CFAP299: variants seen among roughly 807,000 people sequenced by gnomAD.
CFAP299 encodes cilia and flagella associated protein 299.
Under a neutral mutation model 27.0 loss-of-function variants are expected in CFAP299, and 21 were observed. The observed-to-expected ratio is 0.78, with a 90% confidence interval of 0.55 to 1.12. The LOEUF (loss-of-function observed/expected upper bound fraction) is 1.12, where lower values mean the gene tolerates loss of function less well. CFAP299 is among the 50% of genes most tolerant of loss of function. The pLI is 0.00. For synonymous variants in CFAP299, 104 were observed against 98.1 expected, an observed-to-expected ratio of 1.06 and a Z score of -0.36; for missense variants, 310 against 276.6, an observed-to-expected ratio of 1.12 and a Z score of -0.86.
At chr4:80,847,014 T>G (rs922168658) in intron 3 of CFAP299, among the ~76,000 whole-genome samples, 1 of 152,172 alleles carries the variant, frequency 6.6e-6, no homozygotes, top group Non-Finnish European at 1.5e-5. Flanking sequence ...CAAAAATCCC[T>G]TTGGTCAGAA....
In CFAP299 at chr4:80,587,918, G is replaced by T. The variant is rs560551540; in HGVS notation, c.333+4735G>T. Among the ~76,000 whole-genome samples, 21 of 144,288 alleles carry T rather than the reference G, an allele frequency of 1.5e-4. 1 individual carries two copies. In the South Asian group the frequency reaches 2.9e-3, roughly 20 times the overall value. The allele number at this position is 144,288 out of a possible 152,430, so 94.7% of individuals were successfully genotyped here. On this transcript the variant is annotated intron_variant, in intron 3 of 5. Coordinates refer to ENST00000358105, the MANE Select transcript of CFAP299 (RefSeq NM_152770.3). ...AATACCATGTGTTATGTTAGGTCAG[G>T]TTCCCTAAAAGCAGAGCATAGGATG...
intron 2 of CFAP299, among the ~76,000 whole-genome samples, chr4:80,561,517 A>G (rs1735034034): frequency 6.6e-6 from 1 of 152,138 alleles, no homozygotes; most frequent in Non-Finnish European, 1.5e-5. Flanking sequence ...TTTCAGACAG[A>G]GAATTCAAAA....
intron 2 of CFAP299, among the ~76,000 whole-genome samples, chr4:80,469,072 G>A (rs1246554196): frequency 1.3e-5 from 2 of 152,152 alleles, no homozygotes; most frequent in African/African-American, 4.8e-5. Context: ...TATATATTTA[G>A]AAGCTTTACA....
chr4:80,329,241 C>T, the CFAP299 span, among the ~76,000 whole-genome samples: 1 of 126,148 alleles, frequency 7.9e-6, no homozygotes, highest in Non-Finnish European at 1.6e-5. Flanking sequence ...GTTATCATTG[C>T]TCCTGTAAAT....
chr4:80,784,296 C>T (rs1166651915), intron 3 of CFAP299, among the ~76,000 whole-genome samples: 1 of 152,068 alleles, frequency 6.6e-6, no homozygotes, highest in Non-Finnish European at 1.5e-5. Flanking sequence ...TCACAGAACT[C>T]AATCTACATT....
At chr4:80,365,149 T>G (rs1723761295) in intron 2 of CFAP299, among the ~76,000 whole-genome samples, 1 of 152,206 alleles carries the variant, frequency 6.6e-6, no homozygotes, top group African/African-American at 2.4e-5. Context: ...TCAAATGCTA[T>G]TTCTGTCTCT....
At chr4:80,617,767 A>G (rs555019846) in intron 3 of CFAP299, among the ~76,000 whole-genome samples, 4 of 152,162 alleles carry the variant, frequency 2.6e-5, no homozygotes, top group Non-Finnish European at 5.9e-5. Flanking sequence ...GGGATAACCA[A>G]TGTGCCTTAA....
At chr4:80,442,610 G>A (rs758137989) in intron 2 of CFAP299, among the ~76,000 whole-genome samples, 7 of 151,242 alleles carry the variant, frequency 4.6e-5, no homozygotes, top group South Asian at 2.1e-4. Context: ...AATTGACACC[G>A]TAACATCACA....
intron 3 of CFAP299, among the ~76,000 whole-genome samples, chr4:80,824,966 T>C (rs1398413584): frequency 6.6e-6 from 1 of 151,996 alleles, no homozygotes; most frequent in Non-Finnish European, 1.5e-5. Flanking sequence ...AAGACTTTCC[T>C]AAAAGTCTTT....
At chr4:80,519,504 G>A (rs1261073050) in intron 2 of CFAP299, among the ~76,000 whole-genome samples, 3 of 152,160 alleles carry the variant, frequency 2.0e-5, no homozygotes, top group African/African-American at 7.2e-5. Context: ...ACCATGCCTG[G>A]CCTCAGTTAA....
chr4:80,422,717 T>C (rs903950076), intron 2 of CFAP299, among the ~76,000 whole-genome samples: 1 of 152,216 alleles, frequency 6.6e-6, no homozygotes, highest in Non-Finnish European at 1.5e-5. Flanking sequence ...GGCTTGAATG[T>C]ACAATACAAG....
At chr4:80,603,046 A>G (rs2867780) in intron 3 of CFAP299, among the ~76,000 whole-genome samples, 141,883 of 152,182 alleles carry the variant, frequency 0.93, 66,203 homozygotes, top group East Asian at 1. Context: ...GCAAATATTT[A>G]TCTGCTTTTA....
chr4:80,870,385 T>C (rs1733011484), intron 4 of CFAP299: 1 of 1,133,780 alleles, frequency 8.8e-7, no homozygotes, highest in Admixed American at 4.6e-5. Context: ...TTTTTAATGA[T>C]AAGTAGTGCC....
chr4:80,388,193 G>A, intron 2 of CFAP299: 1 of 693,870 alleles, frequency 1.4e-6, no homozygotes, highest in Non-Finnish European at 2.7e-6. Flanking sequence ...TGAAGGCTAG[G>A]TGAGGTGGCT....
At chr4:80,935,396 A>G (rs1736838266) in intron 4 of CFAP299, among the ~76,000 whole-genome samples, 1 of 152,130 alleles carries the variant, frequency 6.6e-6, no homozygotes, top group Non-Finnish European at 1.5e-5. Context: ...TAGAGAGCTC[A>G]GAAGAAGGGC....
chr4:80,744,872 T>G (rs1347547822), intron 3 of CFAP299, among the ~76,000 whole-genome samples: 1 of 152,112 alleles, frequency 6.6e-6, no homozygotes, highest in Non-Finnish European at 1.5e-5. Flanking sequence ...TTGGCCACCT[T>G]ATATATATGA....
intron 1 of CFAP299, among the ~76,000 whole-genome samples, chr4:80,352,684 T>C (rs1287002165): frequency 6.6e-6 from 1 of 151,882 alleles, no homozygotes; most frequent in African/African-American, 2.4e-5. Context: ...CAAGTCTCAA[T>C]ACATTTAAAA....
chr4:80,324,171 G>A, the CFAP299 span, among the ~76,000 whole-genome samples: 1 of 151,854 alleles, frequency 6.6e-6, no homozygotes, highest in Non-Finnish European at 1.5e-5. Context: ...GGTATGTGAT[G>A]TTCCCCTCCC....
At chr4:80,924,225 AT>A (rs1736187554) in intron 4 of CFAP299, among the ~76,000 whole-genome samples, 2 of 152,026 alleles carry the variant, frequency 1.3e-5, no homozygotes, top group Admixed American at 6.6e-5. Flanking sequence ...GTTCACATTT[AT>A]CCAGAGAAGT....
Sources: gnomAD v4.1 joint callset for allele counts (sites outside exome capture counted in the v4.1 genomes callset) on GRCh38, gnomAD v4.1.1 for gene constraint, MANE v1.5 for transcripts, NCBI Gene and HGNC (gene_info 2026-07-23, HGNC 2026-07-21) for gene names.